The following MAP2 variants were observed in gnomAD, a reference collection of about 807,000 sequenced individuals.
MAP2 encodes microtubule-associated protein 2.
A neutral mutation model predicts 137.6 loss-of-function variants in MAP2; 14 were observed. The observed-to-expected ratio is 0.10, with a 90% CI of 0.07 to 0.16. The LOEUF is 0.16. Among genes scored for constraint, MAP2 ranks in the 10% least tolerant of loss-of-function variants. The pLI is 1.00. For synonymous variants in MAP2, 786 were observed against 782.3 expected (o/e 1.00, Z -0.08); for missense variants, 2,088 against 2,191.5 (o/e 0.95, Z 0.94).
At chr2:209,565,148 CATTG>C (rs1326493772) in intron 2 of MAP2, among the ~76,000 whole-genome samples, 2 of 152,138 alleles carry the variant, frequency 1.3e-5, no homozygotes, top group African/African-American at 2.4e-5. Flanking sequence ...AACTCTTTTT[CATTG>C]ATTGTGTTTT....
intron 2 of MAP2, among the ~76,000 whole-genome samples, chr2:209,547,869 G>C (rs1453017460): frequency 2.0e-5 from 3 of 152,118 alleles, no homozygotes; most frequent in South Asian, 4.1e-4. Context: ...GTGCTTGAAG[G>C]CTGGAATTCT....
chr2:209,610,623 A>G (rs2086515908), intron 3 of MAP2, among the ~76,000 whole-genome samples: 1 of 152,128 alleles, frequency 6.6e-6, no homozygotes, highest in South Asian at 2.1e-4. Context: ...CACAGGATAA[A>G]CAGCCTCCTT....
At chr2:209,592,424 TA>T (rs1310407169) in intron 3 of MAP2, among the ~76,000 whole-genome samples, 12 of 152,188 alleles carry the variant, frequency 7.9e-5, no homozygotes, top group African/African-American at 2.7e-4. Context: ...ATCTTTTCTG[TA>T]TTTCCTTTTG....
At chr2:209,705,493 A>G (rs747442378) in intron 11 of MAP2, 87 bp from the exon 12 acceptor site, 34 of 1,116,784 alleles carry the variant, frequency 3.0e-5, no homozygotes, top group Non-Finnish European at 3.8e-5. Context: ...ATTTATTAGC[A>G]CAGGAGGAAA....
chr2:209,462,052 A>C (rs1262072140), intron 1 of MAP2, among the ~76,000 whole-genome samples: 1 of 152,170 alleles, frequency 6.6e-6, no homozygotes, highest in Non-Finnish European at 1.5e-5. Flanking sequence ...CACACTTATC[A>C]AAACTGTATT....
At chr2:209,710,547 A>G in intron 13 of MAP2, 1 of 270,440 alleles carries the variant, frequency 3.7e-6, no homozygotes, top group Non-Finnish European at 6.9e-6. Context: ...GTGTTTTTTA[A>G]CTTGAGATTA....
chr2:209,662,189 T>A (rs543334542), intron 5 of MAP2, among the ~76,000 whole-genome samples: 1 of 152,308 alleles, frequency 6.6e-6, no homozygotes, highest in East Asian at 1.9e-4. Flanking sequence ...CAAGGCTCTA[T>A]CTAACACAAT....
intron 3 of MAP2, among the ~76,000 whole-genome samples, chr2:209,594,692 A>G (rs1489958184): frequency 6.6e-6 from 1 of 152,214 alleles, no homozygotes; most frequent in Non-Finnish European, 1.5e-5. Context: ...TTTACTCTGA[A>G]TATTCATAAT....
intron 7 of MAP2, among the ~76,000 whole-genome samples, chr2:209,682,358 G>A (rs1327592217): frequency 6.6e-6 from 1 of 152,122 alleles, no homozygotes; most frequent in African/African-American, 2.4e-5. Flanking sequence ...AGGCATGGTG[G>A]CGTACGCCTA....
chr2:209,506,816 C>A (rs2061128249), intron 1 of MAP2, among the ~76,000 whole-genome samples: 1 of 152,176 alleles, frequency 6.6e-6, no homozygotes, highest in Admixed American at 6.6e-5. Context: ...GACTAAAAAT[C>A]TTCAGATTCT....
At chr2:209,690,739 C>T (rs1451713457) in intron 7 of MAP2, 6 of 1,289,766 alleles carry the variant, frequency 4.7e-6, no homozygotes, top group Middle Eastern at 2.1e-4. Context: ...GTGCGGAGGC[C>T]CAAATAGTTC....
intron 3 of MAP2, among the ~76,000 whole-genome samples, chr2:209,624,121 T>C (rs1398420395): frequency 1.3e-5 from 2 of 152,188 alleles, no homozygotes; most frequent in Non-Finnish European, 2.9e-5. Flanking sequence ...CATCTTGTCT[T>C]TCCAACTTGC....
chr2:209,552,576 T>G (rs942717113), intron 2 of MAP2, among the ~76,000 whole-genome samples: 3 of 152,200 alleles, frequency 2.0e-5, no homozygotes, highest in Non-Finnish European at 2.9e-5. Context: ...TGAGAAATAC[T>G]TACTGGCCGG....
At chr2:209,665,339 A>G (rs934343746) in intron 5 of MAP2, among the ~76,000 whole-genome samples, 34 of 152,230 alleles carry the variant, frequency 2.2e-4, no homozygotes, top group African/African-American at 8.0e-4. Flanking sequence ...ATAGATACAG[A>G]AAAATTTTTC....
At chr2:209,703,957 T>G (rs1318001480) in intron 11 of MAP2, 2 of 455,554 alleles carry the variant, frequency 4.4e-6, no homozygotes, top group Admixed American at 4.7e-5. Context: ...TTTATTTGTA[T>G]AACAGATTTT....
At chr2:209,476,284 A>G (rs1707194352) in intron 1 of MAP2, among the ~76,000 whole-genome samples, 1 of 152,158 alleles carries the variant, frequency 6.6e-6, no homozygotes, top group Non-Finnish European at 1.5e-5. Flanking sequence ...ATTGTTTCCT[A>G]TACTTTGGAA....
chr2:209,459,093 A>G (rs1389153572), intron 1 of MAP2, among the ~76,000 whole-genome samples: 4 of 152,158 alleles, frequency 2.6e-5, no homozygotes, highest in African/African-American at 9.7e-5. Context: ...TTTCCCTAGT[A>G]TTCTGGCCCT....
chr2:209,433,899 C>CA lies in MAP2; in HGVS notation c.-222+9633dup, dbSNP rs200364466. ...CAAATTCATGTTTGAGGGAAGTAGT[C>CA]AAAAAAAAAATTCCATTCTCAATAT... On this transcript the variant is annotated intron_variant, in intron 1 of 15. Transcript: ENST00000682079. 5.7e-4 allele frequency among the ~76,000 whole-genome samples: 85 copies of CA among 148,548 alleles called. 2 individuals are homozygous for CA. Among genetic ancestry groups the CA allele is most frequent in the Non-Finnish European group, 9.0e-4 (60 of 67,008 alleles).
At chr2:209,477,897 C>G (rs751422188) in intron 1 of MAP2, among the ~76,000 whole-genome samples, 3 of 150,556 alleles carry the variant, frequency 2.0e-5, no homozygotes, top group African/African-American at 7.3e-5. Context: ...CCAGCTACTG[C>G]GGAGGCTGAG....
Sources: gnomAD v4.1 joint callset for allele counts (sites outside exome capture counted in the v4.1 genomes callset) on GRCh38, gnomAD v4.1.1 for gene constraint, MANE v1.5 for transcripts, NCBI Gene and HGNC (gene_info 2026-07-23, HGNC 2026-07-21) for gene names.